Variants in RYR2 observed in about 807,000 individuals in gnomAD.
RYR2 encodes the protein ryanodine receptor 2.
In RYR2, 227 loss-of-function variants were observed where a neutral mutation model predicts 601.1. The observed-to-expected ratio is 0.38, with a 90% confidence interval of 0.34 to 0.42. The LOEUF is 0.42. Among genes scored for constraint, RYR2 ranks in the 10% least tolerant of loss-of-function variants. The pLI is 1.00. For missense variants in RYR2, 4,646 were observed against 6,156.5 expected (o/e 0.75, Z 8.21); for synonymous variants, 2,223 against 2,175.1 (o/e 1.02, Z -0.61).
rs1372654130 is a variant in RYR2, at chr1:237,773,561, T to C, written c.11688T>C (p.Asp3896=). The stretch of plus-strand genomic sequence containing the variant: ...TTTATTGGTATTACTCTGGGAAAGA[T>C]GTTATTGATGAACAAGGACAACGGA... The part of the protein sequence containing the change: ...SDFYWYYSGK[D]VIDEQGQRNF... Residue 3896 remains aspartate, a synonymous_variant, in exon 87 of 105, where the codon GAT becomes GAC. Coordinates refer to ENST00000366574, the MANE Select transcript of RYR2 (RefSeq NM_001035.3). 2.5e-6 allele frequency: 4 copies of C among 1,597,838 alleles called. No individual in the cohort carries two copies. In the African/African-American group the frequency reaches 4.0e-5, roughly 16 times the overall value.
chr1:237,496,797 T>C, intron 20 of RYR2, 45 bp downstream of exon 20: 1 of 1,574,438 alleles, frequency 6.4e-7, no homozygotes, highest in Non-Finnish European at 8.6e-7. Context: ...GAAGATCTTT[T>C]GCTGGGCATT....
chr1:237,789,505 C>T (rs1305526327), intron 92 of RYR2, among the ~76,000 whole-genome samples: 1 of 128,234 alleles, frequency 7.8e-6, no homozygotes, highest in East Asian at 2.7e-4. Context: ...ATAATGGCTT[C>T]CATGGCTGCA....
chr1:237,083,319 A>C (rs534498470), intron 1 of RYR2, among the ~76,000 whole-genome samples: 1 of 152,256 alleles, frequency 6.6e-6, no homozygotes, highest in South Asian at 2.1e-4. Context: ...AAGCCCGTGG[A>C]ATCCCAGGAT....
chr1:237,333,545 G>A (rs188844843), intron 3 of RYR2: 210 of 454,126 alleles, frequency 4.6e-4, no homozygotes, highest in African/African-American at 2.9e-3. Flanking sequence ...GGGGACTTGC[G>A]GCAGCAACTG....
chr1:237,223,100 G>T (rs937846992), intron 1 of RYR2, among the ~76,000 whole-genome samples: 1 of 152,086 alleles, frequency 6.6e-6, no homozygotes, highest in South Asian at 2.1e-4. Flanking sequence ...CAAAACAACC[G>T]CTGTATTGTT....
chr1:237,423,675 C>T (rs1705820607), intron 12 of RYR2, among the ~76,000 whole-genome samples: 1 of 152,182 alleles, frequency 6.6e-6, no homozygotes, highest in African/African-American at 2.4e-5. Flanking sequence ...ACAGTGACCA[C>T]AGATATTGGG....
At chr1:237,811,199 C>G (rs116786466) in intron 100 of RYR2, among the ~76,000 whole-genome samples, 2 of 152,090 alleles carry the variant, frequency 1.3e-5, no homozygotes, top group Non-Finnish European at 2.9e-5. Context: ...AGTGACTGTT[C>G]CCTGGCAGGG....
At chr1:237,424,527 A>G (rs1412027619) in intron 12 of RYR2, among the ~76,000 whole-genome samples, 2 of 152,214 alleles carry the variant, frequency 1.3e-5, no homozygotes, top group Non-Finnish European at 2.9e-5. Context: ...GATGTTAAGT[A>G]CCATGTATAA....
chr1:237,276,470 G>C (rs574565665), intron 2 of RYR2, among the ~76,000 whole-genome samples: 1 of 152,060 alleles, frequency 6.6e-6, no homozygotes, highest in Non-Finnish European at 1.5e-5. Flanking sequence ...ACTGGGAGAA[G>C]AACAACAAAG....
At position 237,610,991 on chromosome 1, in the gene RYR2, C is replaced by G. The variant is rs757198624; in HGVS notation, c.4910+3C>G. 1 of 1,608,664 alleles carries G rather than the reference C, an allele frequency of 6.2e-7. No homozygotes were observed. Among genetic ancestry groups the G allele is most frequent in the Non-Finnish European group, 8.5e-7 (1 of 1,177,178 alleles). On this transcript the variant is annotated splice_donor_region_variant and intron_variant, in intron 36 of 104. Transcript: ENST00000366574. The surrounding 1 kb of genome is among the most constrained non-coding windows in gnomAD (Gnocchi z 4.9). Reference sequence around the variant, plus strand: ...CTTCATATCCCTGAGGAAAACAGGTCAGCCCCAGTGAATCCCTGACATTCT... The same window carrying G: ...CTTCATATCCCTGAGGAAAACAGGTGAGCCCCAGTGAATCCCTGACATTCT...
At chr1:237,156,458 G>A (rs1336015782) in intron 1 of RYR2, among the ~76,000 whole-genome samples, 3 of 152,106 alleles carry the variant, frequency 2.0e-5, no homozygotes, top group African/African-American at 7.2e-5. Context: ...AAAGGAACCC[G>A]CTTAATTTTG....
intron 12 of RYR2, among the ~76,000 whole-genome samples, chr1:237,423,511 TATAC>T (rs531790739): frequency 3.3e-5 from 5 of 152,236 alleles, no homozygotes; most frequent in Non-Finnish European, 7.3e-5. Flanking sequence ...AATCATACTG[TATAC>T]ATACATATTG....
At chr1:237,783,567 G>A in intron 89 of RYR2, 108 bp from the exon 90 acceptor site, 1 of 663,962 alleles carries the variant, frequency 1.5e-6, no homozygotes, top group Non-Finnish European at 2.6e-6. Flanking sequence ...GAGATAAACA[G>A]GGACATATCC....
At chr1:237,623,662 G>T in intron 38 of RYR2, 103 bp from the exon 39 acceptor site, 1 of 674,620 alleles carries the variant, frequency 1.5e-6, no homozygotes, top group Non-Finnish European at 2.6e-6. Flanking sequence ...AGAGTGCTGG[G>T]ATTACAGGCA....
intron 1 of RYR2, among the ~76,000 whole-genome samples, chr1:237,231,630 A>C (rs1467267013): frequency 1.3e-5 from 2 of 152,228 alleles, no homozygotes; most frequent in Non-Finnish European, 2.9e-5. Flanking sequence ...TCTGTAAAAC[A>C]GAACAGGATT....
chr1:237,580,241 C>G (rs934378479), intron 29 of RYR2, among the ~76,000 whole-genome samples: 3 of 147,054 alleles, frequency 2.0e-5, no homozygotes, highest in African/African-American at 7.6e-5. Flanking sequence ...CTGGAACCTC[C>G]ACCTCCCAGG....
At chr1:237,400,292 C>T (rs955672713) in intron 10 of RYR2, among the ~76,000 whole-genome samples, 3 of 152,260 alleles carry the variant, frequency 2.0e-5, no homozygotes, top group Admixed American at 6.5e-5. Flanking sequence ...GGTCCCCTTT[C>T]GGGATACCAA....
At chr1:237,633,281 G>A (rs1335108672) in intron 42 of RYR2, among the ~76,000 whole-genome samples, 3 of 152,190 alleles carry the variant, frequency 2.0e-5, no homozygotes, top group Admixed American at 6.5e-5. Flanking sequence ...ACAGCTGATA[G>A]CGGTAGTGAG....
At chr1:237,250,860 A>G (rs545495292) in intron 1 of RYR2, among the ~76,000 whole-genome samples, 49 of 152,324 alleles carry the variant, frequency 3.2e-4, no homozygotes, top group Non-Finnish European at 6.9e-4. Context: ...AAGTGTATCA[A>G]AAACACTGTT....
Sources: allele counts gnomAD v4.1 joint callset (sites outside exome capture counted in the v4.1 genomes callset), GRCh38; gene constraint gnomAD v4.1.1; non-coding constraint Gnocchi (gnomAD v3.1); transcripts MANE v1.5; gene names NCBI Gene and HGNC (gene_info 2026-07-23, HGNC 2026-07-21).